Variants in HS2ST1 observed in about 807,000 individuals in gnomAD.
HS2ST1 encodes 2-O-sulfotransferase.
HS2ST1 carries 18 observed loss-of-function variants against 42.9 expected under a neutral mutation model. The observed-to-expected ratio is 0.42, with a 90% CI of 0.29 to 0.62. HS2ST1 has a LOEUF of 0.62. Ranked by LOEUF, HS2ST1 falls within the 20% of genes least tolerant of loss-of-function variation. The pLI is 0.21. For missense variants in HS2ST1, 334 were observed against 433.8 expected, an observed-to-expected ratio of 0.77 and a Z score of 2.04; for synonymous variants, 146 against 152.9, an observed-to-expected ratio of 0.95 and a Z score of 0.33.
At chr1:86,959,485 C>T (rs1415107948) in intron 1 of HS2ST1, among the ~76,000 whole-genome samples, 1 of 152,098 alleles carries the variant, frequency 6.6e-6, no homozygotes, top group Admixed American at 6.6e-5. Context: ...TGGTGAAACC[C>T]CGTCTCTACT....
At chr1:86,922,079 TC>T (rs1660311276) in intron 1 of HS2ST1, among the ~76,000 whole-genome samples, 1 of 152,112 alleles carries the variant, frequency 6.6e-6, no homozygotes, top group Non-Finnish European at 1.5e-5. Flanking sequence ...GTTCTGTGAT[TC>T]CTTTTTTTCT....
intron 1 of HS2ST1, among the ~76,000 whole-genome samples, chr1:86,941,724 G>A (rs1215595172): frequency 6.6e-6 from 1 of 151,930 alleles, no homozygotes; most frequent in African/African-American, 2.4e-5. Flanking sequence ...GCAGTGAGCC[G>A]AGATTGCACC....
intron 1 of HS2ST1, among the ~76,000 whole-genome samples, chr1:87,055,808 T>C (rs1390906774): frequency 6.6e-6 from 1 of 152,234 alleles, no homozygotes; most frequent in Non-Finnish European, 1.5e-5. Flanking sequence ...TTGCTGCCTT[T>C]CTCTAACAGC....
intron 1 of HS2ST1, among the ~76,000 whole-genome samples, chr1:87,069,416 G>GT (rs1414539893): frequency 1.3e-5 from 2 of 152,296 alleles, no homozygotes; most frequent in African/African-American, 4.8e-5. Flanking sequence ...CTAACTAGAT[G>GT]TAGAGCATCT....
chr1:87,021,768 G>C (rs1649960454), intron 1 of HS2ST1, among the ~76,000 whole-genome samples: 2 of 151,962 alleles, frequency 1.3e-5, no homozygotes, highest in Admixed American at 1.3e-4. Context: ...CTTCTGCCTT[G>C]GCCTCCCAAA....
chr1:86,929,192 A>G (rs1660484185), intron 1 of HS2ST1, among the ~76,000 whole-genome samples: 1 of 151,892 alleles, frequency 6.6e-6, no homozygotes, highest in Non-Finnish European at 1.5e-5. Context: ...GTAGTTATAA[A>G]TTGTTATTAA....
chr1:86,976,668 A>C lies in HS2ST1; in HGVS notation c.124+61508A>C, dbSNP rs538848840. ...ATGAGTCTATTATTTCTGTAGCATG[A>C]AACACTTTGTAAATCCATCTTTTCT... is the stretch of plus-strand genomic sequence containing the variant. On this transcript the variant is annotated intron_variant, in intron 1 of 6. Transcript: ENST00000370550. Among the ~76,000 whole-genome samples the C allele has an allele frequency of 3.2e-3, 451 of 139,916 alleles. 1 individual carries two copies. The highest frequency in any genetic ancestry group is 5.0e-3 in the Non-Finnish European group (322 of 64,010). 91.8% of individuals were successfully genotyped at this position (139,916 alleles called of 152,430 possible).
At chr1:87,002,037 C>G (rs760308897) in intron 1 of HS2ST1, among the ~76,000 whole-genome samples, 1 of 152,014 alleles carries the variant, frequency 6.6e-6, no homozygotes, top group African/African-American at 2.4e-5. Flanking sequence ...CTCAGCCACC[C>G]GAGTAGCTGG....
At chr1:87,000,011 G>A (rs1195274983) in intron 1 of HS2ST1, among the ~76,000 whole-genome samples, 1 of 152,018 alleles carries the variant, frequency 6.6e-6, no homozygotes, top group Non-Finnish European at 1.5e-5. Context: ...CACCTTGCCT[G>A]TTGGTTGAAT....
chr1:87,086,970 G>T (rs1651831321), intron 3 of HS2ST1, among the ~76,000 whole-genome samples: 1 of 151,624 alleles, frequency 6.6e-6, no homozygotes, highest in South Asian at 2.1e-4. Context: ...ATATAGGTTG[G>T]ACATTTTCAA....
intron 5 of HS2ST1, among the ~76,000 whole-genome samples, chr1:87,102,451 C>T (rs1460546722): frequency 6.6e-6 from 1 of 152,136 alleles, no homozygotes; most frequent in African/African-American, 2.4e-5. Flanking sequence ...TCACAAGGGA[C>T]CTGCTCCCAT....
chr1:87,003,948 A>T (rs951164875), intron 1 of HS2ST1, among the ~76,000 whole-genome samples: 17 of 151,996 alleles, frequency 1.1e-4, no homozygotes, highest in African/African-American at 4.1e-4. Context: ...GGGACAGACA[A>T]CTCTATGTAA....
intron 2 of HS2ST1, among the ~76,000 whole-genome samples, chr1:87,079,156 C>T (rs1473562960): frequency 2.0e-5 from 3 of 151,336 alleles, no homozygotes; most frequent in Non-Finnish European, 4.4e-5. Context: ...GAGACACAGC[C>T]TTGCTCGGTC....
chr1:87,062,695 A>T (rs2100624569), intron 1 of HS2ST1, among the ~76,000 whole-genome samples: 1 of 152,112 alleles, frequency 6.6e-6, no homozygotes, highest in Non-Finnish European at 1.5e-5. Flanking sequence ...TTGTTTATTT[A>T]TAGAGTTTTT....
intron 1 of HS2ST1, among the ~76,000 whole-genome samples, chr1:87,020,564 G>GT (rs1296738435): frequency 6.6e-6 from 1 of 152,122 alleles, no homozygotes; most frequent in African/African-American, 2.4e-5. Context: ...GTCTGTATTA[G>GT]TTTGTGAGGG....
chr1:87,035,916 G>A lies in HS2ST1; in HGVS notation c.125-37018G>A, dbSNP rs150972282. The stretch of plus-strand genomic sequence containing the variant: ...TATACACGTGCCATGGTGGTTTGCT[G>A]CATCCATCAACCCATCATCTACAAT... On this transcript the variant is annotated intron_variant, in intron 1 of 6. Transcript: ENST00000370550. 5.7e-3 allele frequency among the ~76,000 whole-genome samples: 865 copies of A among 151,696 alleles called. 3 individuals carry two copies. The highest frequency in any genetic ancestry group is 9.8e-3 in the Non-Finnish European group (668 of 67,944).
At chr1:87,084,453 G>A (rs1651767147) in intron 3 of HS2ST1, among the ~76,000 whole-genome samples, 174 bp downstream of exon 3, 1 of 152,080 alleles carries the variant, frequency 6.6e-6, no homozygotes. Flanking sequence ...GCCCTCTAGT[G>A]TTCATAAATT....
chr1:87,016,861 T>TGG (rs1362996921), intron 1 of HS2ST1, among the ~76,000 whole-genome samples: 5 of 59,054 alleles, frequency 8.5e-5, no homozygotes, highest in African/African-American at 2.0e-4. Context: ...TAATGGTTAT[T>TGG]GGGTTTTTTT....
chr1:87,072,975 C>T lies in HS2ST1; in HGVS notation c.166C>T (p.Arg56Ter). Residue 56 changes from arginine to a stop codon, truncating the protein, a stop_gained, in exon 2 of 7, where the codon CGA becomes TGA. Transcript: ENST00000370550. LOFTEE classifies it high-confidence loss of function. ...ARHEVREIEQ[R>*]HTMDGPRQDA... ...ACACGAAGTCCGAGAAATTGAGCAGCGACATACAATGGATGGCCCTCGGCA... is the reference window on the plus strand; with the variant it reads ...ACACGAAGTCCGAGAAATTGAGCAGTGACATACAATGGATGGCCCTCGGCA... The T allele has an allele frequency of 6.2e-7, 1 of 1,613,926 alleles. No homozygotes were observed. Among genetic ancestry groups the T allele is most frequent in the Non-Finnish European group, 8.5e-7 (1 of 1,179,932 alleles).
Sources: allele counts gnomAD v4.1 joint callset (sites outside exome capture counted in the v4.1 genomes callset), GRCh38; gene constraint gnomAD v4.1.1; transcripts MANE v1.5; gene names NCBI Gene and HGNC (gene_info 2026-07-23, HGNC 2026-07-21).